EPB41: variants seen among roughly 807,000 people sequenced by gnomAD.
The protein encoded by EPB41 is erythrocyte membrane protein band 4.1, also known as protein 4.1.
EPB41 carries 65 observed loss-of-function variants against 108.0 expected under a neutral mutation model. The ratio of observed to expected loss-of-function variants is 0.60; its 90% CI spans 0.49 to 0.74. The LOEUF is 0.74. EPB41 is among the 30% of genes least tolerant of loss of function. The pLI is 0.00. For missense variants in EPB41, 875 were observed against 1,037.0 expected, an observed-to-expected ratio of 0.84 and a Z score of 2.15; for synonymous variants, 336 against 358.9, an observed-to-expected ratio of 0.94 and a Z score of 0.72.
intron 1 of EPB41, among the ~76,000 whole-genome samples, chr1:28,909,279 A>T (rs769164894): frequency 1.3e-5 from 2 of 152,116 alleles, no homozygotes; most frequent in Non-Finnish European, 2.9e-5. Context: ...CAGCAATTTC[A>T]TATGACTTAA....
chr1:29,086,275 CTTTTTTT>C (rs1213378802), intron 16 of EPB41, among the ~76,000 whole-genome samples: 2 of 137,248 alleles, frequency 1.5e-5, no homozygotes, highest in Admixed American at 7.4e-5. Flanking sequence ...TTTGTCTTTC[CTTTTTTT>C]TTTTTTTTTT....
intron 1 of EPB41, among the ~76,000 whole-genome samples, chr1:28,940,427 G>A (rs779312513): frequency 5.3e-5 from 8 of 151,930 alleles, no homozygotes; most frequent in Admixed American, 5.2e-4. Context: ...CGAGGTGGGC[G>A]GATCACCTGA....
chr1:28,926,671 T>A (rs964855127), intron 1 of EPB41, among the ~76,000 whole-genome samples: 1 of 152,216 alleles, frequency 6.6e-6, no homozygotes, highest in African/African-American at 2.4e-5. Context: ...ATAGAATAAC[T>A]AATAAAAACA....
intron 16 of EPB41, among the ~76,000 whole-genome samples, chr1:29,077,926 A>G (rs1654763735): frequency 6.6e-6 from 1 of 152,196 alleles, no homozygotes; most frequent in South Asian, 2.1e-4. Context: ...TCATAGCAAT[A>G]GAAAAATAAG....
intron 11 of EPB41, among the ~76,000 whole-genome samples, chr1:29,043,626 T>C (rs1642296666): frequency 1.3e-5 from 2 of 152,014 alleles, no homozygotes; most frequent in South Asian, 4.1e-4. Context: ...ACAAAATAAG[T>C]GAGGTCGGAG....
chr1:28,906,940 C>A (rs2091881531), intron 1 of EPB41, among the ~76,000 whole-genome samples: 1 of 145,778 alleles, frequency 6.9e-6, no homozygotes, highest in Admixed American at 6.7e-5. Flanking sequence ...CCACCAAGCC[C>A]AGCTAATTTT....
chr1:29,069,535 T>A lies in EPB41; in HGVS notation c.2184+4377T>A, dbSNP rs951341842. On this transcript the variant is annotated intron_variant, in intron 16 of 20. Coordinates refer to ENST00000343067, the MANE Select transcript of EPB41 (RefSeq NM_001376013.1). ...TTGCAATCTTTAAAATGTATAAGAT[T>A]AAGATTTTTTATTTCTGGAGCAAAA... The A allele has an allele frequency of 4.4e-6, 4 of 901,090 alleles. No individual in the cohort carries two copies. In the African/African-American group the frequency reaches 7.0e-5, roughly 16 times the overall value. The allele number at this position is 901,090 out of a possible 1,614,324, so 55.8% of individuals were successfully genotyped here. A position where few individuals can be genotyped will look rare whatever the true frequency, so the allele number is the denominator to read the frequency against.
chr1:28,932,770 A>C (rs1335320679), intron 1 of EPB41, among the ~76,000 whole-genome samples: 7 of 152,212 alleles, frequency 4.6e-5, no homozygotes, highest in Non-Finnish European at 1.0e-4. Context: ...ACTTAGAAGC[A>C]AACTTGCTCT....
chr1:28,887,110 G>T (rs1249342595), upstream of EPB41: 1 of 678,894 alleles, frequency 1.5e-6, no homozygotes, highest in Non-Finnish European at 2.3e-6. This position sits in a 1 kb window ranked among gnomAD's most constrained non-coding sequence, Gnocchi z 4.9. Flanking sequence ...GTCAGTGCAG[G>T]TGGAGGCCCC....
intron 4 of EPB41, among the ~76,000 whole-genome samples, chr1:29,009,006 C>G (rs1037751279): frequency 6.6e-6 from 1 of 152,208 alleles, no homozygotes; most frequent in Non-Finnish European, 1.5e-5. Context: ...TCAGAATACC[C>G]TATGCTCTAT....
At chr1:28,940,242 A>G (rs953048801) in intron 1 of EPB41, among the ~76,000 whole-genome samples, 13 of 152,230 alleles carry the variant, frequency 8.5e-5, no homozygotes, top group African/African-American at 3.1e-4. Flanking sequence ...TAATTATTAG[A>G]AGTGCCTTGA....
chr1:29,010,352 A>C (rs1326634334), intron 4 of EPB41, among the ~76,000 whole-genome samples: 1 of 152,128 alleles, frequency 6.6e-6, no homozygotes, highest in Non-Finnish European at 1.5e-5. Context: ...AAATAAATAA[A>C]ATGCCACTGA....
intron 7 of EPB41, among the ~76,000 whole-genome samples, chr1:29,019,725 A>C (rs1371615009): frequency 6.6e-6 from 1 of 152,172 alleles, no homozygotes; most frequent in Non-Finnish European, 1.5e-5. Context: ...TCCTTGGGGT[A>C]GTTGGAATAG....
chr1:29,105,386 C>T (rs1369762055), intron 17 of EPB41, among the ~76,000 whole-genome samples: 2 of 151,850 alleles, frequency 1.3e-5, no homozygotes, highest in Non-Finnish European at 2.9e-5. Context: ...TACAGGTGCC[C>T]ACCACTTCAC....
At chr1:29,087,098 T>C (rs931203149) in intron 16 of EPB41, among the ~76,000 whole-genome samples, 2 of 151,338 alleles carry the variant, frequency 1.3e-5, no homozygotes, top group African/African-American at 2.4e-5. Flanking sequence ...CCCGCCACCA[T>C]GCCCGGCTAA....
chr1:28,907,907 C>T (rs988962910), intron 1 of EPB41, among the ~76,000 whole-genome samples: 6 of 151,862 alleles, frequency 4.0e-5, no homozygotes, highest in African/African-American at 1.2e-4. Context: ...TGGCCTCAAG[C>T]AGTCCTCCAA....
Position 29,035,839 on chromosome 1 carries a change from A to C in EPB41, c.1379A>C (p.Glu460Ala). The change falls in exon 10 of 21, where the codon GAA becomes GCA. Residue 460 changes from glutamate to alanine, a missense_variant. Glu to Ala is a moderately radical substitution (Grantham distance 107). Coordinates refer to ENST00000343067, the MANE Select transcript of EPB41 (RefSeq NM_001376013.1). ...GTGTTTTTGTAGCAAGAGCAGTATG[A>C]AAGTACCATCGGATTCAAACTTCCC... ...KIRPGEQEQYESTIGFKLPSY... is the reference protein window; with the variant it reads ...KIRPGEQEQYASTIGFKLPSY... The C allele has an allele frequency of 6.2e-7, 1 of 1,613,852 alleles. No homozygotes were observed. The highest frequency in any genetic ancestry group is 8.5e-7 in the Non-Finnish European group (1 of 1,179,738).
chr1:28,989,291 C>CA (rs1481951586), intron 2 of EPB41: 5 of 674,546 alleles, frequency 7.4e-6, no homozygotes, highest in African/African-American at 5.9e-5. Flanking sequence ...TTATTTGTCC[C>CA]AAAAAATGGG....
intron 16 of EPB41, 156 bp downstream of exon 16, chr1:29,065,314 TTA>T: frequency 1.5e-6 from 2 of 1,342,390 alleles, no homozygotes; most frequent in African/African-American, 1.5e-5. Flanking sequence ...AATCAAATAT[TTA>T]TTTTTTTTTA....
Sources: gnomAD v4.1 joint callset for allele counts (sites outside exome capture counted in the v4.1 genomes callset) on GRCh38, gnomAD v4.1.1 for gene constraint, Gnocchi (gnomAD v3.1) non-coding constraint, MANE v1.5 for transcripts, NCBI Gene and HGNC (gene_info 2026-07-23, HGNC 2026-07-21) for gene names.